The following TENM2 variants were observed in gnomAD, a reference collection of about 807,000 sequenced individuals.
The protein encoded by TENM2 is teneurin transmembrane protein 2.
Under a neutral mutation model 245.2 loss-of-function variants are expected in TENM2, and 52 were observed. That is an observed-to-expected ratio of 0.21 (90% confidence interval 0.17 to 0.27). The LOEUF (loss-of-function observed/expected upper bound fraction) is 0.27, where lower values mean the gene tolerates loss of function less well. TENM2 is among the 10% of genes least tolerant of loss of function. TENM2 has a pLI of 1.00. For missense variants in TENM2, 3,046 were observed against 3,666.8 expected, an observed-to-expected ratio of 0.83 and a Z score of 4.37; for synonymous variants, 1,363 against 1,438.9, an observed-to-expected ratio of 0.95 and a Z score of 1.19.
At chr5:167,738,087 T>G (rs1760924831) in intron 2 of TENM2, among the ~76,000 whole-genome samples, 1 of 152,258 alleles carries the variant, frequency 6.6e-6, no homozygotes, top group Non-Finnish European at 1.5e-5. Flanking sequence ...GTCCTTGCTT[T>G]TCAGCATTTG....
chr5:168,263,674 G>A (rs1768409191), downstream of TENM2: 1 of 152,566 alleles, frequency 6.6e-6, no homozygotes, highest in African/African-American at 2.4e-5. Flanking sequence ...TTTTGTCTTT[G>A]GAGATTCCAT....
At chr5:167,389,077 C>T (rs1017781039) in intron 2 of TENM2, among the ~76,000 whole-genome samples, 1 of 151,926 alleles carries the variant, frequency 6.6e-6, no homozygotes, top group African/African-American at 2.4e-5. Flanking sequence ...CAGTTTTTCA[C>T]TTTAATACTA....
intron 3 of TENM2, among the ~76,000 whole-genome samples, chr5:167,921,319 CT>C (rs1777355787): frequency 6.6e-6 from 1 of 152,226 alleles, no homozygotes; most frequent in African/African-American, 2.4e-5. Context: ...GTAACGCCTA[CT>C]TTGGTTCCAA....
intron 2 of TENM2, among the ~76,000 whole-genome samples, chr5:167,495,767 A>G (rs1768775186): frequency 6.6e-6 from 1 of 152,090 alleles, no homozygotes; most frequent in African/African-American, 2.4e-5. Context: ...AAAGAAAACA[A>G]AAAGACTTTA....
chr5:167,265,785 C>A, the TENM2 span, among the ~76,000 whole-genome samples: 1 of 152,110 alleles, frequency 6.6e-6, no homozygotes, highest in Non-Finnish European at 1.5e-5. Flanking sequence ...ACACATGTTA[C>A]GGTTCCAGCT....
At chr5:167,150,825 C>T in the TENM2 span, among the ~76,000 whole-genome samples, 1 of 152,136 alleles carries the variant, frequency 6.6e-6, no homozygotes, top group Non-Finnish European at 1.5e-5. Flanking sequence ...CTGCAGCAAG[C>T]ACAATTATGT....
At chr5:168,127,842 A>C (rs1795964226) in intron 12 of TENM2, among the ~76,000 whole-genome samples, 1 of 152,202 alleles carries the variant, frequency 6.6e-6, no homozygotes, top group African/African-American at 2.4e-5. Context: ...ACTTGCCTGC[A>C]TGGAAATTCT....
At chr5:167,576,383 A>T (rs1300171661) in intron 2 of TENM2, among the ~76,000 whole-genome samples, 2 of 151,782 alleles carry the variant, frequency 1.3e-5, no homozygotes, top group Admixed American at 1.3e-4. Context: ...TATAAAAGCC[A>T]AGAAAAAAGA....
intron 2 of TENM2, among the ~76,000 whole-genome samples, chr5:167,680,658 G>A (rs1756646052): frequency 6.6e-6 from 1 of 152,138 alleles, no homozygotes; most frequent in Admixed American, 6.5e-5. Flanking sequence ...AGACGACGGT[G>A]GCCCAGATTA....
intron 23 of TENM2, among the ~76,000 whole-genome samples, chr5:168,219,323 A>G (rs933295759): frequency 6.6e-6 from 1 of 152,174 alleles, no homozygotes; most frequent in Admixed American, 6.5e-5. Context: ...CAAGTTTGCC[A>G]TGGGTGCGGA....
At chr5:168,117,025 C>T (rs1263629466) in intron 9 of TENM2, among the ~76,000 whole-genome samples, 1 of 152,160 alleles carries the variant, frequency 6.6e-6, no homozygotes, top group Non-Finnish European at 1.5e-5. Context: ...AAGTTAGGCT[C>T]TTTACAAACT....
chr5:167,787,882 G>A (rs1030123427), intron 2 of TENM2, among the ~76,000 whole-genome samples: 3 of 152,226 alleles, frequency 2.0e-5, no homozygotes, highest in African/African-American at 7.2e-5. Context: ...GCCCACCACC[G>A]CTGTGGTAGA....
chr5:168,228,884 AT>A lies in TENM2; in HGVS notation c.5520+758del, dbSNP rs1764534074. 2.0e-5 allele frequency among the ~76,000 whole-genome samples: 3 copies of A among 148,024 alleles called. 1 individual carries two copies. The South Asian group carries it at 6.2e-4, about 31-fold the overall frequency. On this transcript the variant is annotated intron_variant, in intron 25 of 28. Coordinates refer to ENST00000518659, the Ensembl canonical transcript of TENM2. ...ATTATTATAATTATTATATAATGTA[AT>A]TTTATATTACATTTTTATATTATAA...
chr5:167,892,832 A>G (rs1018585872), intron 3 of TENM2, among the ~76,000 whole-genome samples: 11 of 152,178 alleles, frequency 7.2e-5, no homozygotes, highest in African/African-American at 2.2e-4. Flanking sequence ...ACCATTTATA[A>G]CACAGAGATA....
the TENM2 span, among the ~76,000 whole-genome samples, chr5:167,051,178 C>G: frequency 6.6e-6 from 1 of 150,920 alleles, no homozygotes; most frequent in African/African-American, 2.4e-5. Flanking sequence ...TAAATTGGGA[C>G]TGTTTTTCTT....
chr5:167,071,659 A>C, the TENM2 span, among the ~76,000 whole-genome samples: 1 of 152,268 alleles, frequency 6.6e-6, no homozygotes, highest in South Asian at 2.1e-4. Flanking sequence ...AAGCAAAAAT[A>C]GATGGTAATT....
At chr5:167,457,664 T>A (rs1338684554) in intron 2 of TENM2, among the ~76,000 whole-genome samples, 1 of 152,040 alleles carries the variant, frequency 6.6e-6, no homozygotes, top group African/African-American at 2.4e-5. Context: ...GCTTTTAAAG[T>A]CTCTTCTCTG....
intron 11 of TENM2, among the ~76,000 whole-genome samples, chr5:168,125,252 G>A (rs1795764689): frequency 6.6e-6 from 1 of 152,082 alleles, no homozygotes; most frequent in Admixed American, 6.6e-5. Flanking sequence ...GCACTGGGTT[G>A]GTACCATCAC....
chr5:167,626,335 T>C (rs2127781047), intron 2 of TENM2, among the ~76,000 whole-genome samples: 1 of 152,140 alleles, frequency 6.6e-6, no homozygotes, highest in Non-Finnish European at 1.5e-5. Context: ...TATCTGGATT[T>C]TCATGCTGTG....
Sources: gnomAD v4.1 joint callset for allele counts (sites outside exome capture counted in the v4.1 genomes callset) on GRCh38, gnomAD v4.1.1 for gene constraint, MANE v1.5 for transcripts, NCBI Gene and HGNC (gene_info 2026-07-23, HGNC 2026-07-21) for gene names.